Variants in SPAG16 observed in about 807,000 individuals in gnomAD.
SPAG16 encodes sperm-associated antigen 16 protein.
A neutral mutation model predicts 80.4 loss-of-function variants in SPAG16; 86 were observed. The ratio of observed to expected loss-of-function variants is 1.07; its 90% confidence interval spans 0.90 to 1.28. SPAG16 has a LOEUF of 1.28. SPAG16 is among the 50% of genes most tolerant of loss of function. The pLI, the probability that SPAG16 is intolerant of heterozygous loss-of-function variation, is 0.00. For synonymous variants in SPAG16, 294 were observed against 265.9 expected (o/e 1.11, Z -1.03); for missense variants, 870 against 765.3 (o/e 1.14, Z -1.61).
chr2:214,364,734 G>A (rs560918676), intron 15 of SPAG16, among the ~76,000 whole-genome samples: 5 of 152,264 alleles, frequency 3.3e-5, no homozygotes, highest in Admixed American at 1.3e-4. Context: ...CTGAAATACA[G>A]GGACACTTTG....
intron 11 of SPAG16, among the ~76,000 whole-genome samples, chr2:213,889,535 TAC>T (rs1461741133): frequency 2.0e-5 from 3 of 151,376 alleles, no homozygotes; most frequent in Non-Finnish European, 4.4e-5. Flanking sequence ...TGTTAATATT[TAC>T]AGTCAAAGGG....
chr2:213,589,141 A>G (rs1020314330), intron 10 of SPAG16, among the ~76,000 whole-genome samples: 2 of 152,232 alleles, frequency 1.3e-5, no homozygotes, highest in African/African-American at 4.8e-5. Flanking sequence ...AGAAATAATA[A>G]TATAGAATGC....
intron 15 of SPAG16, among the ~76,000 whole-genome samples, chr2:214,154,052 T>C (rs1223769932): frequency 6.6e-6 from 1 of 152,180 alleles, no homozygotes; most frequent in East Asian, 1.9e-4. Context: ...ATGCTACACA[T>C]TTTTGTGAAC....
At chr2:213,587,105 G>A (rs747837482) in intron 10 of SPAG16, among the ~76,000 whole-genome samples, 3 of 152,082 alleles carry the variant, frequency 2.0e-5, no homozygotes, top group Non-Finnish European at 2.9e-5. Flanking sequence ...AGTAGTCTCC[G>A]AGCAGCCCTG....
chr2:213,821,721 A>C (rs1213513801), intron 10 of SPAG16, among the ~76,000 whole-genome samples: 2 of 152,134 alleles, frequency 1.3e-5, no homozygotes, highest in Non-Finnish European at 2.9e-5. Context: ...CCTTCCTAGC[A>C]TCTGGTAACC....
intron 11 of SPAG16, among the ~76,000 whole-genome samples, 165 bp from the exon 12 acceptor site, chr2:213,929,795 G>T (rs1398045421): frequency 2.6e-5 from 4 of 152,152 alleles, no homozygotes; most frequent in Non-Finnish European, 5.9e-5. Context: ...GTTAGCAATT[G>T]TGTAGACCCA....
At chr2:213,850,487 T>A (rs190905357) in intron 10 of SPAG16, among the ~76,000 whole-genome samples, 1 of 152,298 alleles carries the variant, frequency 6.6e-6, no homozygotes, top group East Asian at 1.9e-4. Flanking sequence ...GCTGTAGTGG[T>A]AATAAACTGG....
chr2:214,291,359 G>C (rs1276848272), intron 15 of SPAG16, among the ~76,000 whole-genome samples: 3 of 134,692 alleles, frequency 2.2e-5, no homozygotes, highest in African/African-American at 8.4e-5. Context: ...AGGCTGGAGT[G>C]CAGTGGCGGG....
chr2:213,657,505 A>G (rs1211986229), intron 10 of SPAG16, among the ~76,000 whole-genome samples: 2 of 152,208 alleles, frequency 1.3e-5, no homozygotes, highest in African/African-American at 4.8e-5. Context: ...TAAATCAAAT[A>G]AAGGATAAAT....
chr2:213,534,568 T>C (rs1654555901), intron 10 of SPAG16, among the ~76,000 whole-genome samples: 1 of 152,112 alleles, frequency 6.6e-6, no homozygotes, highest in African/African-American at 2.4e-5. Context: ...GAATAAACTA[T>C]GAATTTACAC....
chr2:214,342,973 C>A (rs1576830485), intron 15 of SPAG16, among the ~76,000 whole-genome samples: 1 of 151,764 alleles, frequency 6.6e-6, no homozygotes, highest in Non-Finnish European at 1.5e-5. Flanking sequence ...GGTTAGCTGG[C>A]AAAAGATGAG....
At chr2:214,334,151 C>T (rs1056133591) in intron 15 of SPAG16, among the ~76,000 whole-genome samples, 5 of 152,168 alleles carry the variant, frequency 3.3e-5, no homozygotes, top group African/African-American at 9.7e-5. Flanking sequence ...CTATCTCCTT[C>T]GGCATGCAGT....
intron 15 of SPAG16, among the ~76,000 whole-genome samples, chr2:214,335,103 A>G: frequency 6.6e-6 from 1 of 152,170 alleles, no homozygotes; most frequent in Non-Finnish European, 1.5e-5. Context: ...CTGATCCTAT[A>G]GGAAGTTTTG....
chr2:213,412,131 C>G (rs1466719866), intron 9 of SPAG16, among the ~76,000 whole-genome samples: 1 of 152,156 alleles, frequency 6.6e-6, no homozygotes, highest in African/African-American at 2.4e-5. Flanking sequence ...ATTCCGATCA[C>G]CTGCTCCACC....
At chr2:213,886,393 A>T (rs564712502) in intron 11 of SPAG16, among the ~76,000 whole-genome samples, 51 of 152,086 alleles carry the variant, frequency 3.4e-4, no homozygotes, top group African/African-American at 1.2e-3. Context: ...GAGCAGCTAG[A>T]GAAAGAGGGG....
chr2:214,164,174 G>A (rs2056561464), intron 15 of SPAG16, among the ~76,000 whole-genome samples: 2 of 152,080 alleles, frequency 1.3e-5, no homozygotes, highest in Non-Finnish European at 2.9e-5. Flanking sequence ...AAATATATCT[G>A]CTCTCATAGA....
chr2:213,948,304 T>C lies in SPAG16; in HGVS notation c.1400+18159T>C, dbSNP rs148244326. On this transcript the variant is annotated intron_variant, in intron 12 of 15. Transcript: ENST00000331683. Reference sequence around the variant, plus strand: ...ACAGATAAACAGACACGCAAATGCATTTCTGCATATAATTCAAAATTTAAA... The same window carrying C: ...ACAGATAAACAGACACGCAAATGCACTTCTGCATATAATTCAAAATTTAAA... 4.4e-3 allele frequency among the ~76,000 whole-genome samples: 670 copies of C among 152,286 alleles called. 6 individuals carry two copies. Among genetic ancestry groups the C allele is most frequent in the African/African-American group, 0.015 (637 of 41,576 alleles).
chr2:213,327,216 T>C (rs2063882097), intron 5 of SPAG16, among the ~76,000 whole-genome samples: 2 of 151,926 alleles, frequency 1.3e-5, no homozygotes, highest in African/African-American at 4.8e-5. Flanking sequence ...GGAAATATTA[T>C]ATAGTTTAAA....
chr2:214,127,237 G>T (rs1381914439), intron 14 of SPAG16, among the ~76,000 whole-genome samples: 1 of 151,842 alleles, frequency 6.6e-6, no homozygotes, highest in East Asian at 1.9e-4. Flanking sequence ...ACAGATTAAT[G>T]AAATTAAGTG....
Sources: gnomAD v4.1 joint callset for allele counts (sites outside exome capture counted in the v4.1 genomes callset) on GRCh38, gnomAD v4.1.1 for gene constraint, MANE v1.5 for transcripts, NCBI Gene and HGNC (gene_info 2026-07-23, HGNC 2026-07-21) for gene names.